ZFYVE26: variants seen among roughly 807,000 people sequenced by gnomAD.
The protein encoded by ZFYVE26 is zinc finger FYVE-type containing 26.
ZFYVE26 carries 181 observed loss-of-function variants against 276.5 expected under a neutral mutation model. The ratio of observed to expected loss-of-function variants is 0.65; its 90% CI spans 0.58 to 0.74. The LOEUF is 0.74. Among genes scored for constraint, ZFYVE26 ranks in the 30% least tolerant of loss-of-function variants. The pLI is 0.00. For synonymous variants in ZFYVE26, 1,129 were observed against 1,203.1 expected, an observed-to-expected ratio of 0.94 and a Z score of 1.27; for missense variants, 2,821 against 3,097.9, an observed-to-expected ratio of 0.91 and a Z score of 2.12.
chr14:67,754,721 G>A (rs1426615291), intron 37 of ZFYVE26, among the ~76,000 whole-genome samples: 2 of 152,190 alleles, frequency 1.3e-5, no homozygotes, highest in Non-Finnish European at 2.9e-5. Flanking sequence ...GGAGGCCAGG[G>A]ATCGATGCTT....
intron 14 of ZFYVE26, among the ~76,000 whole-genome samples, chr14:67,792,489 A>C (rs1259943555): frequency 6.6e-6 from 1 of 152,240 alleles, no homozygotes; most frequent in African/African-American, 2.4e-5. Flanking sequence ...TCCAATTTTC[A>C]AATGAGGAAA....
At chr14:67,793,424 T>C (rs1423363565) in intron 14 of ZFYVE26, among the ~76,000 whole-genome samples, 184 bp downstream of exon 14, 1 of 152,040 alleles carries the variant, frequency 6.6e-6, no homozygotes, top group Non-Finnish European at 1.5e-5. Context: ...CCACAAACAA[T>C]TCACTATCTT....
At chr14:67,763,896 C>T (rs1052290368) in intron 32 of ZFYVE26, among the ~76,000 whole-genome samples, 2 of 152,130 alleles carry the variant, frequency 1.3e-5, no homozygotes, top group African/African-American at 4.8e-5. Context: ...AACCCTTCTT[C>T]GTGAGTGAGA....
chr14:67,743,244 T>C (rs1251790493), downstream of ZFYVE26, among the ~76,000 whole-genome samples: 1 of 152,110 alleles, frequency 6.6e-6, no homozygotes, highest in Non-Finnish European at 1.5e-5. Context: ...TCCCAGCACC[T>C]TGGGAGGCCA....
chr14:67,745,080 T>G (rs1162906840), downstream of ZFYVE26, among the ~76,000 whole-genome samples: 1 of 152,218 alleles, frequency 6.6e-6, no homozygotes, highest in Non-Finnish European at 1.5e-5. Flanking sequence ...CATCTGTTGT[T>G]TCCTGGCTTT....
chr14:67,798,270 G>T lies in ZFYVE26; in HGVS notation c.1992C>A (p.Ser664Arg). 1 of 1,614,208 alleles carries T rather than the reference G, an allele frequency of 6.2e-7. No individual in the cohort carries two copies. Among genetic ancestry groups the T allele is most frequent in the Non-Finnish European group, 8.5e-7 (1 of 1,180,032 alleles). Residue 664 changes from serine (S) to arginine (R), a missense_variant, in exon 11 of 42, where the codon AGC becomes AGA. Transcript: ENST00000347230. ...KDSYPGPHRHSFLDLKHFTSG... is the reference protein window; with the variant it reads ...KDSYPGPHRHRFLDLKHFTSG... ...TAGTAAAGTGTTTTAAGTCCAAAAA[G>T]CTGTGCCTATGAGGCCCTGGGTAAC... is the stretch of plus-strand genomic sequence containing the variant.
At position 67,741,348 on chromosome 14, in the gene ZFYVE26, G is replaced by A. The variant is rs2038413722; in HGVS notation, n.2679+9704C>T. Among the ~76,000 whole-genome samples, 3 of 152,282 alleles carry A rather than the reference G, an allele frequency of 2.0e-5. No homozygotes were observed. In the South Asian group the frequency reaches 6.2e-4, roughly 32 times the overall value. On this transcript the variant is annotated intron_variant and non_coding_transcript_variant, in intron 13 of 14. Coordinates refer to the ZFYVE26 transcript ENST00000394455. ...TCTTGTGCATTCTGGTGAAATATAAGGCTTTTAAAGTGGCTGGCCAAGGGA... is the reference window on the plus strand; with the variant it reads ...TCTTGTGCATTCTGGTGAAATATAAAGCTTTTAAAGTGGCTGGCCAAGGGA...
chr14:67,781,552 A>C (rs1377329460), intron 21 of ZFYVE26, 23 bp from the exon 22 acceptor site: 5 of 1,612,268 alleles, frequency 3.1e-6, no homozygotes, highest in Non-Finnish European at 4.2e-6. Context: ...AAAGATGCTC[A>C]GAGGCAGCAA....
At chr14:67,765,088 T>A (rs1421808915) in intron 32 of ZFYVE26, among the ~76,000 whole-genome samples, 1 of 152,174 alleles carries the variant, frequency 6.6e-6, no homozygotes, top group Non-Finnish European at 1.5e-5. Context: ...ATTCTTTTCA[T>A]GGTTATTTCA....
intron 22 of ZFYVE26, 85 bp from the exon 23 acceptor site, chr14:67,780,430 C>T: frequency 8.2e-7 from 1 of 1,217,694 alleles, no homozygotes; most frequent in Non-Finnish European, 1.2e-6. Context: ...ACAGATGGGC[C>T]ATCCCTAGAT....
At chr14:67,814,287 G>A (rs1033080932) in intron 2 of ZFYVE26, among the ~76,000 whole-genome samples, 1 of 152,178 alleles carries the variant, frequency 6.6e-6, no homozygotes, top group African/African-American at 2.4e-5. Flanking sequence ...GGGAGGCTGA[G>A]GTGGGTGGAT....
intron 12 of ZFYVE26, chr14:67,797,350 G>A: frequency 2.7e-6 from 1 of 369,116 alleles, no homozygotes; most frequent in South Asian, 2.6e-5. Flanking sequence ...TATTTAAAAT[G>A]GTAAGTGAAA....
chr14:67,760,834 GA>G (rs2038910120), intron 35 of ZFYVE26: 1 of 189,890 alleles, frequency 5.3e-6, no homozygotes, highest in Non-Finnish European at 1.1e-5. Context: ...CTTCCAGTGG[GA>G]GGGGGGCAGA....
chr14:67,772,596 G>A lies in ZFYVE26; in HGVS notation c.5321-386C>T, dbSNP rs1006601316. Among the ~76,000 whole-genome samples, 21 of 152,170 alleles carry A rather than the reference G, an allele frequency of 1.4e-4. 1 individual carries two copies. The highest frequency in any genetic ancestry group is 1.2e-3 in the Admixed American group (19 of 15,274). ...AGACTCCTCCACAAATAAAAAAGAG[G>A]TAGGGGGGATAAACAAGAAAAGAGG... On this transcript the variant is annotated intron_variant, in intron 27 of 41. Coordinates refer to ENST00000347230, the MANE Select transcript of ZFYVE26 (RefSeq NM_015346.4).
chr14:67,815,517 A>AATATATATTGTTAATCTATATT (rs1165496746), intron 2 of ZFYVE26: 1 of 558,066 alleles, frequency 1.8e-6, no homozygotes, highest in Non-Finnish European at 3.2e-6. Flanking sequence ...TAACGAGGAT[A>AATATATATTGTTAATCTATATT]AACAAGAAAT....
intron 3 of ZFYVE26, among the ~76,000 whole-genome samples, chr14:67,811,838 G>A (rs1412604461): frequency 6.8e-6 from 1 of 146,912 alleles, no homozygotes; most frequent in East Asian, 2.0e-4. Context: ...AGTTACATAT[G>A]AAATATATAA....
intron 10 of ZFYVE26, chr14:67,799,134 T>C: frequency 2.7e-6 from 4 of 1,471,098 alleles, no homozygotes; most frequent in Non-Finnish European, 3.8e-6. Context: ...TACTGGCGGC[T>C]ACTCTTTAAA....
At chr14:67,732,366 A>T (rs1452092703) in intron 13 of ZFYVE26, among the ~76,000 whole-genome samples, 1 of 147,862 alleles carries the variant, frequency 6.8e-6, no homozygotes, top group Non-Finnish European at 1.5e-5. Context: ...TCAGCCTGGG[A>T]GGTCAAGGCT....
intron 13 of ZFYVE26, among the ~76,000 whole-genome samples, chr14:67,740,853 G>A (rs1051189298): frequency 2.7e-5 from 4 of 149,968 alleles, no homozygotes; most frequent in African/African-American, 9.8e-5. Context: ...AAGTTGCAGT[G>A]AGCCGAGATC....
Sources: gnomAD v4.1 joint callset for allele counts (sites outside exome capture counted in the v4.1 genomes callset) on GRCh38, gnomAD v4.1.1 for gene constraint, MANE v1.5 for transcripts, NCBI Gene and HGNC (gene_info 2026-07-23, HGNC 2026-07-21) for gene names.